TMCC1: variants seen among roughly 807,000 people sequenced by gnomAD.
TMCC1 encodes transmembrane and coiled-coil domains protein 1.
TMCC1 carries 15 observed loss-of-function variants against 52.4 expected under a neutral mutation model. That is an observed-to-expected ratio of 0.29 (90% CI 0.19 to 0.44). The LOEUF (loss-of-function observed/expected upper bound fraction) is 0.44. Ranked by LOEUF, TMCC1 falls within the 20% of genes least tolerant of loss-of-function variation. The pLI, the probability that TMCC1 is intolerant of heterozygous loss-of-function variation, is 1.00. For missense variants in TMCC1, 503 were observed against 806.0 expected (o/e 0.62, Z 4.55); for synonymous variants, 279 against 301.9 (o/e 0.92, Z 0.79).
chr3:129,778,678 G>GA (rs1553866357), intron 4 of TMCC1, among the ~76,000 whole-genome samples: 2 of 151,106 alleles, frequency 1.3e-5, no homozygotes, highest in African/African-American at 4.9e-5. Context: ...TCATGGTGGG[G>GA]GGGGGGCAGT....
intron 4 of TMCC1, among the ~76,000 whole-genome samples, chr3:129,739,451 C>T (rs73866121): frequency 0.012 from 1,795 of 152,298 alleles, 24 homozygotes; most frequent in African/African-American, 0.041. Context: ...GCGTGAGCCA[C>T]TGCGCCTGGC....
intron 4 of TMCC1, among the ~76,000 whole-genome samples, chr3:129,745,038 G>A (rs1343688958): frequency 6.6e-6 from 1 of 152,218 alleles, no homozygotes; most frequent in Non-Finnish European, 1.5e-5. Context: ...AAGGGGAGAT[G>A]TAGACATATT....
intron 2 of TMCC1, among the ~76,000 whole-genome samples, chr3:129,858,348 C>A (rs2060235994): frequency 6.9e-6 from 1 of 145,096 alleles, no homozygotes; most frequent in African/African-American, 2.6e-5. Flanking sequence ...CCTTAAGGAT[C>A]ATTTCTACTA....
chr3:129,856,015 C>G (rs2060132732), intron 2 of TMCC1, among the ~76,000 whole-genome samples: 1 of 150,698 alleles, frequency 6.6e-6, no homozygotes, highest in South Asian at 2.1e-4. Flanking sequence ...AATACTATAC[C>G]AATGTCAATT....
At chr3:129,742,318 C>G (rs1403555904) in intron 4 of TMCC1, among the ~76,000 whole-genome samples, 3 of 152,058 alleles carry the variant, frequency 2.0e-5, no homozygotes, top group Non-Finnish European at 4.4e-5. Context: ...TCTTGCAAAT[C>G]ATACATCTGA....
intron 2 of TMCC1, among the ~76,000 whole-genome samples, chr3:129,852,306 A>C (rs923204770): frequency 2.0e-5 from 3 of 151,874 alleles, no homozygotes; most frequent in African/African-American, 7.3e-5. Flanking sequence ...AAAATACAAA[A>C]ATTAGTTGGA....
intron 4 of TMCC1, among the ~76,000 whole-genome samples, chr3:129,806,558 T>C (rs1296120752): frequency 6.6e-6 from 1 of 152,206 alleles, no homozygotes; most frequent in African/African-American, 2.4e-5. Context: ...GGGTTTCCCA[T>C]ACCATTTTAA....
rs1284316035 is a variant in TMCC1 at position 129,832,777 on chromosome 3, C to T, written c.-134G>A. 6.6e-6 allele frequency: 1 copy of T among 152,204 alleles called. No homozygotes were observed. The highest frequency in any genetic ancestry group is 2.4e-5 in the African/African-American group (1 of 41,448). 9.4% of individuals were successfully genotyped at this position (152,204 alleles called of 1,614,324 possible). On this transcript the variant is annotated 5_prime_UTR_variant, in exon 3 of 7. It removes an upstream start codon present in the reference 5' UTR. Coordinates refer to ENST00000393238, the MANE Select transcript of TMCC1 (RefSeq NM_001017395.5). ...CTACAAAGAGTTGGATACTTGCCTT[C>T]ATCACTCTTCCTTAAGCACTTCTAA...
intron 6 of TMCC1, among the ~76,000 whole-genome samples, chr3:129,654,477 G>GA (rs555968473): frequency 9.5e-4 from 144 of 152,160 alleles, no homozygotes; most frequent in African/African-American, 3.2e-3. Flanking sequence ...ATAGAAATAA[G>GA]AAAAAATTAA....
intron 4 of TMCC1, chr3:129,688,471 T>A (rs2089568401): frequency 2.0e-6 from 2 of 985,438 alleles, no homozygotes; most frequent in Non-Finnish European, 2.4e-6. Flanking sequence ...CCTGGGCTTC[T>A]CACCTTCACA....
intron 4 of TMCC1, among the ~76,000 whole-genome samples, chr3:129,756,771 T>C (rs1576707006): frequency 6.6e-6 from 1 of 152,214 alleles, no homozygotes; most frequent in Non-Finnish European, 1.5e-5. Flanking sequence ...TATGATTCCA[T>C]TCACATGACT....
intron 4 of TMCC1, among the ~76,000 whole-genome samples, chr3:129,812,079 T>A (rs1426604256): frequency 6.6e-6 from 1 of 152,034 alleles, no homozygotes; most frequent in Admixed American, 6.6e-5. Flanking sequence ...TGGTGGCTCA[T>A]GCCTATAATC....
chr3:129,870,718 CGGGGGGGGG>C (rs56383150), intron 2 of TMCC1, among the ~76,000 whole-genome samples: 7,603 of 13,908 alleles, frequency 0.55, 2,746 homozygotes, highest in Middle Eastern at 0.67. Flanking sequence ...CGCGGGTTGG[CGGGGGGGGG>C]GGGGGGGGGG....
intron 4 of TMCC1, among the ~76,000 whole-genome samples, chr3:129,755,249 C>T (rs908223855): frequency 2.0e-5 from 3 of 152,006 alleles, no homozygotes; most frequent in Non-Finnish European, 2.9e-5. Context: ...GGGTACTATG[C>T]TCATTACCTG....
chr3:129,846,127 T>C (rs1478223565), intron 2 of TMCC1, among the ~76,000 whole-genome samples: 2 of 152,100 alleles, frequency 1.3e-5, no homozygotes, highest in Non-Finnish European at 2.9e-5. Context: ...ACAAATACTT[T>C]AGTATTTGGC....
intron 2 of TMCC1, among the ~76,000 whole-genome samples, chr3:129,876,831 C>T (rs1420343905): frequency 6.6e-6 from 1 of 152,002 alleles, no homozygotes; most frequent in Non-Finnish European, 1.5e-5. Context: ...GTGGCAGGCG[C>T]CTGTAGTCCC....
intron 2 of TMCC1, among the ~76,000 whole-genome samples, chr3:129,879,440 TA>T (rs200829220): frequency 1.3e-5 from 2 of 150,494 alleles, no homozygotes; most frequent in Admixed American, 1.3e-4. Context: ...GACGTTGTCT[TA>T]AAAAAAAAGG....
chr3:129,725,431 A>AT (rs1159937078), intron 4 of TMCC1, among the ~76,000 whole-genome samples: 2 of 151,996 alleles, frequency 1.3e-5, no homozygotes, highest in Non-Finnish European at 2.9e-5. Flanking sequence ...TTCTAATATA[A>AT]TTTTTTCATT....
At chr3:129,751,496 C>T (rs1321261115) in intron 4 of TMCC1, among the ~76,000 whole-genome samples, 1 of 152,062 alleles carries the variant, frequency 6.6e-6, no homozygotes, top group Non-Finnish European at 1.5e-5. Flanking sequence ...CACCACTGCA[C>T]TCCAGCCTTT....
Sources: gnomAD v4.1 joint callset for allele counts (sites outside exome capture counted in the v4.1 genomes callset) on GRCh38, gnomAD v4.1.1 for gene constraint, MANE v1.5 for transcripts, NCBI Gene and HGNC (gene_info 2026-07-23, HGNC 2026-07-21) for gene names.